The following CNTN5 variants were observed in gnomAD, a reference collection of about 807,000 sequenced individuals.
CNTN5 encodes the protein contactin 5, also known as contactin-5.
Under a neutral mutation model 129.1 loss-of-function variants are expected in CNTN5, and 77 were observed. The ratio of observed to expected loss-of-function variants is 0.60; its 90% CI spans 0.50 to 0.72. CNTN5 has a LOEUF of 0.72. Ranked by LOEUF, CNTN5 falls within the 30% of genes least tolerant of loss-of-function variation. The pLI, the probability that CNTN5 is intolerant of heterozygous loss-of-function variation, is 0.00. For missense variants in CNTN5, 1,478 were observed against 1,328.8 expected (o/e 1.11, Z -1.75); for synonymous variants, 509 against 465.6 (o/e 1.09, Z -1.20).
At chr11:99,500,489 C>T (rs986858157) in intron 2 of CNTN5, among the ~76,000 whole-genome samples, 2 of 152,084 alleles carry the variant, frequency 1.3e-5, no homozygotes, top group African/African-American at 2.4e-5. Flanking sequence ...TTTATACCTA[C>T]CCAAAAGTTT....
chr11:100,161,992 T>C (rs11223021), intron 13 of CNTN5, among the ~76,000 whole-genome samples: 8 of 151,872 alleles, frequency 5.3e-5, no homozygotes, highest in East Asian at 2.0e-4. Flanking sequence ...AACTTTAAAA[T>C]TGAGAGTGGT....
chr11:100,332,765 C>T (rs1233422964), intron 21 of CNTN5, among the ~76,000 whole-genome samples: 1 of 152,006 alleles, frequency 6.6e-6, no homozygotes, highest in Non-Finnish European at 1.5e-5. Context: ...GATTAAAATC[C>T]TCAACAAAAT....
chr11:99,306,472 C>T (rs1267526459), intron 1 of CNTN5, among the ~76,000 whole-genome samples: 6 of 151,974 alleles, frequency 3.9e-5, no homozygotes, highest in Non-Finnish European at 8.8e-5. Context: ...AAATACCTAC[C>T]ATAGTGCCCA....
chr11:99,552,207 G>GTTTT (rs758718492), intron 2 of CNTN5, among the ~76,000 whole-genome samples: 2,227 of 146,436 alleles, frequency 0.015, 73 homozygotes, highest in East Asian at 0.088. Flanking sequence ...CACCTGGTCA[G>GTTTT]TTTTTGTGTT....
intron 1 of CNTN5, among the ~76,000 whole-genome samples, chr11:99,284,860 T>TA (rs1392231361): frequency 3.9e-5 from 6 of 152,224 alleles, no homozygotes; most frequent in African/African-American, 1.4e-4. Context: ...AAGATATAGA[T>TA]ATCATATAGG....
intron 1 of CNTN5, among the ~76,000 whole-genome samples, chr11:99,080,624 C>A (rs555137042): frequency 6.6e-6 from 1 of 152,236 alleles, no homozygotes; most frequent in African/African-American, 2.4e-5. Context: ...GTGGCCAGAA[C>A]AAAGTCACAA....
intron 3 of CNTN5, among the ~76,000 whole-genome samples, chr11:99,558,886 CT>C (rs1004963410): frequency 2.2e-4 from 33 of 151,958 alleles, no homozygotes; most frequent in African/African-American, 7.5e-4. Flanking sequence ...TATTCAGTTG[CT>C]TTTTTAAACA....
chr11:99,669,456 GTGTGTGTGTGTGTGTGTATA>G (rs1170839665), intron 3 of CNTN5, among the ~76,000 whole-genome samples: 1 of 79,232 alleles, frequency 1.3e-5, no homozygotes, highest in African/African-American at 4.1e-5. Context: ...GTGTGTGTGT[GTGTGTGTGTGTGTGTGTATA>G]TGTGTATACA....
chr11:99,543,468 G>A (rs192735568), intron 2 of CNTN5, among the ~76,000 whole-genome samples: 83 of 152,254 alleles, frequency 5.5e-4, no homozygotes, highest in African/African-American at 1.8e-3. Flanking sequence ...ATCAAATTCA[G>A]TTAGGCCATA....
At chr11:100,058,300 C>A (rs1943318986) in intron 9 of CNTN5, among the ~76,000 whole-genome samples, 1 of 151,994 alleles carries the variant, frequency 6.6e-6, no homozygotes, top group South Asian at 2.1e-4. Context: ...TATATGAAGG[C>A]AAATATAATT....
chr11:99,541,956 C>CAAAA (rs56363127), intron 2 of CNTN5, among the ~76,000 whole-genome samples: 10 of 68,854 alleles, frequency 1.5e-4, no homozygotes, highest in African/African-American at 2.3e-4. Flanking sequence ...GATCTTGTCT[C>CAAAA]AAAAAAAAAA....
rs368665930 is a variant in CNTN5 at position 99,340,905 on chromosome 11, A to G, written c.-71+15421A>G. Among the ~76,000 whole-genome samples, 217 of 152,290 alleles carry G rather than the reference A, an allele frequency of 1.4e-3. 3 individuals carry two copies. The South Asian group carries it at 0.044, about 31-fold the overall frequency. ...TAGAAATTATATTTTCAGGCTGCTAACTGTCAATATTTTGGGTAAACTTTT... is the reference window on the plus strand; with the variant it reads ...TAGAAATTATATTTTCAGGCTGCTAGCTGTCAATATTTTGGGTAAACTTTT... On this transcript the variant is annotated intron_variant, in intron 2 of 24. Coordinates refer to ENST00000524871, the MANE Select transcript of CNTN5 (RefSeq NM_014361.4).
At chr11:100,313,444 T>C (rs1243358458) in intron 21 of CNTN5, among the ~76,000 whole-genome samples, 1 of 78,898 alleles carries the variant, frequency 1.3e-5, no homozygotes, top group African/African-American at 3.9e-5. Context: ...AATTGTGCCA[T>C]TTACAAAAAA....
At chr11:100,032,336 C>G (rs1271447114) in intron 9 of CNTN5, among the ~76,000 whole-genome samples, 1 of 151,944 alleles carries the variant, frequency 6.6e-6, no homozygotes, top group Non-Finnish European at 1.5e-5. Flanking sequence ...GTTTATTTCA[C>G]TATGGAATAT....
intron 1 of CNTN5, among the ~76,000 whole-genome samples, chr11:99,143,594 T>C (rs138468054): frequency 8.6e-4 from 131 of 152,090 alleles, no homozygotes; most frequent in African/African-American, 3.1e-3. Context: ...TTAAAATATA[T>C]TGAGCACTTC....
At chr11:100,339,702 G>A (rs978514232) in intron 21 of CNTN5, among the ~76,000 whole-genome samples, 2 of 152,106 alleles carry the variant, frequency 1.3e-5, no homozygotes, top group Admixed American at 6.5e-5. Flanking sequence ...TCAACAGTAA[G>A]GAAGTAGATG....
chr11:99,769,252 C>A (rs1363752266), intron 3 of CNTN5, among the ~76,000 whole-genome samples: 1 of 152,128 alleles, frequency 6.6e-6, no homozygotes, highest in Non-Finnish European at 1.5e-5. Context: ...TCAGGGCCCA[C>A]TTTCTGATTC....
chr11:99,772,414 C>A (rs977611131), intron 3 of CNTN5, among the ~76,000 whole-genome samples: 1 of 152,164 alleles, frequency 6.6e-6, no homozygotes, highest in East Asian at 1.9e-4. Flanking sequence ...CTTCTGTGAA[C>A]ATTTGTTACT....
chr11:99,394,797 C>T (rs7927602), intron 2 of CNTN5, among the ~76,000 whole-genome samples: 2,148 of 151,642 alleles, frequency 0.014, 35 homozygotes, highest in African/African-American at 0.047. Flanking sequence ...ATGTGGTATT[C>T]GGTTTTCTGT....
Sources: gnomAD v4.1 joint callset for allele counts (sites outside exome capture counted in the v4.1 genomes callset) on GRCh38, gnomAD v4.1.1 for gene constraint, MANE v1.5 for transcripts, NCBI Gene and HGNC (gene_info 2026-07-23, HGNC 2026-07-21) for gene names.